ADAMTSL1: variants seen among roughly 807,000 people sequenced by gnomAD.
The protein encoded by ADAMTSL1 is ADAMTS-like protein 1.
Under a neutral mutation model 201.8 loss-of-function variants are expected in ADAMTSL1, and 126 were observed. The observed-to-expected ratio is 0.62, with a 90% CI of 0.54 to 0.72. The LOEUF (loss-of-function observed/expected upper bound fraction) is 0.72, where lower values mean the gene tolerates loss of function less well. Ranked by LOEUF, ADAMTSL1 falls within the 30% of genes least tolerant of loss-of-function variation. The pLI is 0.00. For synonymous variants in ADAMTSL1, 1,121 were observed against 903.4 expected, an observed-to-expected ratio of 1.24 and a Z score of -4.32; for missense variants, 2,679 against 2,277.8, an observed-to-expected ratio of 1.18 and a Z score of -3.59.
chr9:18,113,941 A>T (rs1825139163), intron 1 of ADAMTSL1, among the ~76,000 whole-genome samples: 1 of 152,148 alleles, frequency 6.6e-6, no homozygotes, highest in Non-Finnish European at 1.5e-5. Context: ...AGAGTAGTGA[A>T]GGGTAAAGCT....
chr9:18,754,626 C>T (rs192083540), intron 16 of ADAMTSL1, among the ~76,000 whole-genome samples: 8 of 152,334 alleles, frequency 5.3e-5, no homozygotes, highest in Admixed American at 2.0e-4. Context: ...CAGGCAGCCA[C>T]GTGTCCTCTG....
chr9:18,657,534 C>T, intron 7 of ADAMTSL1, 105 bp from the exon 8 acceptor site: 1 of 778,472 alleles, frequency 1.3e-6, no homozygotes, highest in Non-Finnish European at 2.2e-6. Flanking sequence ...GTCCCTCACA[C>T]AGCCTAAAAC....
intron 1 of ADAMTSL1, among the ~76,000 whole-genome samples, chr9:18,046,224 C>A (rs1240428051): frequency 1.3e-5 from 2 of 152,118 alleles, no homozygotes; most frequent in African/African-American, 2.4e-5. Flanking sequence ...TGCAGAGACT[C>A]AAAACAAGAG....
intron 2 of ADAMTSL1, among the ~76,000 whole-genome samples, chr9:18,467,827 T>C (rs1821064014): frequency 6.6e-6 from 1 of 152,180 alleles, no homozygotes; most frequent in African/African-American, 2.4e-5. Context: ...AGGGAGGTCC[T>C]TGAATGCCAA....
intron 1 of ADAMTSL1, among the ~76,000 whole-genome samples, chr9:17,942,603 T>G (rs938500849): frequency 6.6e-6 from 1 of 152,140 alleles, no homozygotes; most frequent in Non-Finnish European, 1.5e-5. Flanking sequence ...ATTTGTACTT[T>G]GGCCTGCACC....
rs558017567 is a variant in ADAMTSL1 at position 18,555,166 on chromosome 9, C to T, written c.238-18864C>T. On this transcript the variant is annotated intron_variant, in intron 3 of 28. Transcript: ENST00000380548. ...GTTTTGCCTTACAGTCCTGGCATTA[C>T]GAGCAGATATTCATCTTCTTCCACA... is the stretch of plus-strand genomic sequence containing the variant. Among the ~76,000 whole-genome samples, 7 of 151,858 alleles carry T rather than the reference C, an allele frequency of 4.6e-5. No homozygotes were observed. The South Asian group carries it at 6.2e-4, about 14-fold the overall frequency.
chr9:18,910,854 A>C lies in ADAMTSL1; in HGVS notation c.*2306A>C, dbSNP rs1346074609. 1 of 152,280 alleles carries C rather than the reference A, an allele frequency of 6.6e-6. No individual in the cohort carries two copies. Among genetic ancestry groups the C allele is most frequent in the Non-Finnish European group, 1.5e-5 (1 of 68,050 alleles). 9.4% of individuals were successfully genotyped at this position (152,280 alleles called of 1,614,324 possible). On this transcript the variant is annotated 3_prime_UTR_variant, in exon 29 of 29. Transcript: ENST00000380548. ...AACTCAGCAGCACCACAAGACAATG[A>C]AGGCTGCTGGCTAATGTGGAAGGAG... is the stretch of plus-strand genomic sequence containing the variant.
rs747032334 is a variant in ADAMTSL1 at position 18,777,397 on chromosome 9, G to A, written c.3168G>A (p.Glu1056=). ...CGGAAAGGAACACGACCTCGGAGGAGGACCCGGGTGCAGAGCAAGTGCTCC... is the reference window on the plus strand; with the variant it reads ...CGGAAAGGAACACGACCTCGGAGGAAGACCCGGGTGCAGAGCAAGTGCTCC... ...DSAERNTTSE[E]DPGAEQVLLH... Residue 1056 remains glutamate (E), a synonymous_variant, in exon 19 of 29, where the codon GAG becomes GAA. Transcript: ENST00000380548. The A allele has an allele frequency of 8.1e-6, 13 of 1,602,984 alleles. No homozygotes were observed. In the East Asian group the frequency reaches 2.3e-4, roughly 28 times the overall value.
intron 1 of ADAMTSL1, among the ~76,000 whole-genome samples, chr9:17,925,833 T>C (rs1422687047): frequency 1.5e-5 from 2 of 135,876 alleles, no homozygotes; most frequent in East Asian, 4.7e-4. Flanking sequence ...TGTGCACATG[T>C]ACCCTAAAAC....
intron 2 of ADAMTSL1, among the ~76,000 whole-genome samples, chr9:18,506,077 T>C (rs564229240): frequency 2.2e-4 from 33 of 152,332 alleles, no homozygotes; most frequent in African/African-American, 7.9e-4. Context: ...TTCTGATATT[T>C]GGCCACTGTG....
chr9:18,842,568 G>C lies in ADAMTSL1; in HGVS notation c.4249+12591G>C, dbSNP rs1825792050. Among the ~76,000 whole-genome samples the C allele has an allele frequency of 2.0e-5, 3 of 152,206 alleles. No individual in the cohort carries two copies. The South Asian group carries it at 6.2e-4, about 32-fold the overall frequency. On this transcript the variant is annotated intron_variant, in intron 23 of 28. Transcript: ENST00000380548. ...ATCTATTAGGTCCGCTTGGTGCAGAGCTGAGTTCAATTCCTGGGTATCCTT... is the reference window on the plus strand; with the variant it reads ...ATCTATTAGGTCCGCTTGGTGCAGACCTGAGTTCAATTCCTGGGTATCCTT...
At position 18,389,633 on chromosome 9, in the gene ADAMTSL1, A is replaced by G. The variant is rs548662511; in HGVS notation, c.208-115196A>G. On this transcript the variant is annotated intron_variant, in intron 2 of 29. Transcript: ENST00000680146. ...TTCATATGCAATATGTAGAGATAAA[A>G]CTTCATGACAAGCCTAAACATAAAA... Among the ~76,000 whole-genome samples the G allele has an allele frequency of 9.2e-5, 14 of 152,280 alleles. No individual in the cohort carries two copies. The East Asian group carries it at 2.5e-3, about 27-fold the overall frequency.
chr9:18,252,950 A>G (rs1831524562), intron 2 of ADAMTSL1, among the ~76,000 whole-genome samples: 1 of 152,226 alleles, frequency 6.6e-6, no homozygotes, highest in Non-Finnish European at 1.5e-5. Context: ...TTACCTCATT[A>G]TCTTCCAGTC....
chr9:18,050,811 G>C (rs188905040), intron 1 of ADAMTSL1, among the ~76,000 whole-genome samples: 128 of 152,274 alleles, frequency 8.4e-4, no homozygotes, highest in African/African-American at 2.8e-3. Flanking sequence ...ATGGCAGAAT[G>C]ATTAGGGTGC....
chr9:18,160,847 ATTT>A (rs35532729), intron 1 of ADAMTSL1, among the ~76,000 whole-genome samples: 9 of 119,240 alleles, frequency 7.5e-5, no homozygotes, highest in Admixed American at 2.8e-4. Context: ...ACCTGGCTAA[ATTT>A]TTTTTTTTTT....
intron 1 of ADAMTSL1, among the ~76,000 whole-genome samples, chr9:18,492,501 TTC>T (rs1380254723): frequency 6.6e-6 from 1 of 152,186 alleles, no homozygotes; most frequent in Non-Finnish European, 1.5e-5. Context: ...CCAGCAGAGA[TTC>T]TCTGTTTCAA....
intron 1 of ADAMTSL1, among the ~76,000 whole-genome samples, chr9:18,477,790 G>C (rs1277851648): frequency 6.6e-6 from 1 of 152,088 alleles, no homozygotes; most frequent in Non-Finnish European, 1.5e-5. Flanking sequence ...TGTTTACTCA[G>C]GCTCCTGTTT....
At chr9:18,498,813 A>T (rs1822676495) in intron 1 of ADAMTSL1, among the ~76,000 whole-genome samples, 2 of 152,058 alleles carry the variant, frequency 1.3e-5, no homozygotes, top group South Asian at 4.1e-4. Flanking sequence ...TAAAATAAGG[A>T]AAAAAAATTC....
intron 2 of ADAMTSL1, among the ~76,000 whole-genome samples, chr9:18,307,705 GAGAC>G (rs1305280204): frequency 1.3e-5 from 2 of 152,094 alleles, no homozygotes; most frequent in African/African-American, 4.8e-5. Context: ...CAAGTTCTTA[GAGAC>G]AGACAAAGAG....
Sources: gnomAD v4.1 joint callset for allele counts (sites outside exome capture counted in the v4.1 genomes callset) on GRCh38, gnomAD v4.1.1 for gene constraint, MANE v1.5 for transcripts, NCBI Gene and HGNC (gene_info 2026-07-23, HGNC 2026-07-21) for gene names.